Variants in RBMS3 observed in about 807,000 individuals in gnomAD.
The protein encoded by RBMS3 is RNA binding motif single stranded interacting protein 3.
A neutral mutation model predicts 66.8 loss-of-function variants in RBMS3; 27 were observed. The observed-to-expected ratio is 0.40, with a 90% CI of 0.30 to 0.56. The LOEUF is 0.56. Among genes scored for constraint, RBMS3 ranks in the 20% least tolerant of loss-of-function variants. The pLI is 0.40. For synonymous variants in RBMS3, 188 were observed against 183.0 expected (o/e 1.03, Z -0.22); for missense variants, 513 against 549.5 (o/e 0.93, Z 0.66).
At chr3:29,429,958 TTTA>T (rs397836234) in intron 1 of RBMS3, among the ~76,000 whole-genome samples, 1 of 151,706 alleles carries the variant, frequency 6.6e-6, no homozygotes, top group Non-Finnish European at 1.5e-5. Context: ...TATTTATTTA[TTTA>T]TTTTTTAAGA....
At chr3:29,753,439 T>C (rs2055270156) in intron 5 of RBMS3, among the ~76,000 whole-genome samples, 1 of 152,188 alleles carries the variant, frequency 6.6e-6, no homozygotes, top group African/African-American at 2.4e-5. Context: ...AGGAGTTTTA[T>C]GCCTTGAGGG....
chr3:29,872,210 C>A (rs2059507816), intron 7 of RBMS3, among the ~76,000 whole-genome samples: 3 of 151,856 alleles, frequency 2.0e-5, no homozygotes, highest in African/African-American at 4.8e-5. Flanking sequence ...TTATTACTTA[C>A]AACAAAATAA....
At chr3:29,626,384 A>G (rs2149166583) in intron 4 of RBMS3, among the ~76,000 whole-genome samples, 1 of 152,292 alleles carries the variant, frequency 6.6e-6, no homozygotes, top group East Asian at 1.9e-4. Context: ...AAGCCTATGA[A>G]TTTTGGCAAA....
chr3:29,472,890 T>G (rs1269313882), intron 2 of RBMS3, among the ~76,000 whole-genome samples: 1 of 152,132 alleles, frequency 6.6e-6, no homozygotes, highest in African/African-American at 2.4e-5. Context: ...GACAGTCTGC[T>G]TTTATTCTCT....
intron 1 of RBMS3, among the ~76,000 whole-genome samples, chr3:29,425,874 T>C (rs2040939215): frequency 6.6e-6 from 1 of 152,196 alleles, no homozygotes; most frequent in Non-Finnish European, 1.5e-5. Context: ...TGCCTACTTA[T>C]TCTAGCTCAT....
intron 4 of RBMS3, among the ~76,000 whole-genome samples, chr3:29,638,282 G>C (rs1390665164): frequency 6.6e-6 from 1 of 151,404 alleles, no homozygotes; most frequent in South Asian, 2.1e-4. Context: ...GCTAGGACAG[G>C]TTCACAAGGA....
At chr3:29,985,647 G>A (rs1003643175) in intron 12 of RBMS3, among the ~76,000 whole-genome samples, 16 of 152,198 alleles carry the variant, frequency 1.1e-4, no homozygotes, top group Admixed American at 5.2e-4. Flanking sequence ...GATACCCTAC[G>A]CTGCTTCGGC....
At chr3:29,477,453 T>TAACTAACA (rs1559394436) in intron 2 of RBMS3, among the ~76,000 whole-genome samples, 1 of 150,884 alleles carries the variant, frequency 6.6e-6, no homozygotes, top group African/African-American at 2.4e-5. Flanking sequence ...GTCAGGGATA[T>TAACTAACA]AACAAACAAA....
chr3:29,444,032 T>C (rs1268023091), intron 2 of RBMS3, among the ~76,000 whole-genome samples: 1 of 152,108 alleles, frequency 6.6e-6, no homozygotes, highest in Non-Finnish European at 1.5e-5. Flanking sequence ...CTTGTTATTT[T>C]TGAGACTGTA....
chr3:29,882,137 G>A (rs1380442519), intron 7 of RBMS3, among the ~76,000 whole-genome samples: 1 of 152,026 alleles, frequency 6.6e-6, no homozygotes, highest in Non-Finnish European at 1.5e-5. Flanking sequence ...CAGCTTTTAC[G>A]ACTGCCCTTT....
intron 6 of RBMS3, among the ~76,000 whole-genome samples, chr3:29,783,506 G>T (rs1482699082): frequency 6.6e-6 from 1 of 152,052 alleles, no homozygotes; most frequent in Non-Finnish European, 1.5e-5. Flanking sequence ...GAGAGAATTT[G>T]CTACTACCAA....
intron 11 of RBMS3, among the ~76,000 whole-genome samples, chr3:29,937,537 T>C (rs2061297962): frequency 6.6e-6 from 1 of 152,000 alleles, no homozygotes; most frequent in Admixed American, 6.6e-5. Context: ...AGCCACATTC[T>C]TTCAATAAAG....
chr3:29,908,521 G>T (rs1049867517), intron 10 of RBMS3, among the ~76,000 whole-genome samples: 1 of 152,102 alleles, frequency 6.6e-6, no homozygotes, highest in Admixed American at 6.6e-5. Context: ...TTTTAGGTAT[G>T]AGCAAGTTGT....
intron 5 of RBMS3, among the ~76,000 whole-genome samples, chr3:29,762,243 C>T (rs747018257): frequency 8.5e-5 from 13 of 152,054 alleles, no homozygotes; most frequent in Non-Finnish European, 1.6e-4. Context: ...GTTTGTGTAT[C>T]TATACCTTCC....
Position 29,541,523 on chromosome 3 carries a change from A to G in RBMS3, c.308-45591A>G, listed in dbSNP as rs556900795. ...CAAAATACAAGCTGAATCTCACCTC[A>G]TTTCAGCACCTTCACTGCCACAACC... On this transcript the variant is annotated intron_variant, in intron 3 of 14. Transcript: ENST00000383767. 6.2e-5 allele frequency among the ~76,000 whole-genome samples: 9 copies of G among 145,952 alleles called. No homozygotes were observed. The South Asian group carries it at 1.1e-3, about 18-fold the overall frequency.
intron 6 of RBMS3, among the ~76,000 whole-genome samples, chr3:29,801,287 A>C (rs1358955541): frequency 2.7e-5 from 1 of 36,690 alleles, no homozygotes; most frequent in African/African-American, 1.1e-4. Flanking sequence ...TTTTTTTTTG[A>C]GACAAAGTCT....
chr3:29,431,507 G>A (rs529684201), intron 1 of RBMS3, among the ~76,000 whole-genome samples: 14 of 151,962 alleles, frequency 9.2e-5, no homozygotes, highest in Non-Finnish European at 2.1e-4. Context: ...TGGCCAGGAT[G>A]GTCTTGATCT....
intron 1 of RBMS3, among the ~76,000 whole-genome samples, chr3:29,350,208 G>A (rs2036828751): frequency 1.3e-5 from 2 of 151,326 alleles, no homozygotes; most frequent in Admixed American, 6.6e-5. Flanking sequence ...ATTTTTGAAA[G>A]TTAGGGATTT....
chr3:29,694,949 A>G (rs1011430965), intron 4 of RBMS3, among the ~76,000 whole-genome samples: 1 of 152,128 alleles, frequency 6.6e-6, no homozygotes, highest in Non-Finnish European at 1.5e-5. Flanking sequence ...TGGTGTGGTT[A>G]TTCATAACTT....
Sources: allele counts gnomAD v4.1 joint callset (sites outside exome capture counted in the v4.1 genomes callset), GRCh38; gene constraint gnomAD v4.1.1; transcripts MANE v1.5; gene names NCBI Gene and HGNC (gene_info 2026-07-23, HGNC 2026-07-21).